ERBIN: variants seen among roughly 807,000 people sequenced by gnomAD.
The protein encoded by ERBIN is erbb2 interacting protein, also known as densin-180-like protein.
ERBIN carries 60 observed loss-of-function variants against 158.4 expected under a neutral mutation model. That is an observed-to-expected ratio of 0.38 (90% CI 0.31 to 0.47). The LOEUF (loss-of-function observed/expected upper bound fraction) is 0.47, where lower values mean the gene tolerates loss of function less well. Ranked by LOEUF, ERBIN falls within the 20% of genes least tolerant of loss-of-function variation. ERBIN has a pLI of 0.99. For synonymous variants in ERBIN, 594 were observed against 557.2 expected (o/e 1.07, Z -0.93); for missense variants, 1,610 against 1,648.0 (o/e 0.98, Z 0.40).
chr5:65,961,060 A>G (rs1747852435), intron 1 of ERBIN: 1 of 152,208 alleles, frequency 6.6e-6, no homozygotes, highest in African/African-American at 2.4e-5. Flanking sequence ...AAAAGGGAAA[A>G]ATTTTAAACA....
chr5:66,008,816 GT>G (rs2151095423), intron 4 of ERBIN, among the ~76,000 whole-genome samples: 2 of 152,280 alleles, frequency 1.3e-5, no homozygotes, highest in Admixed American at 1.3e-4. Context: ...AACATGGAAT[GT>G]TTTACTTCTT....
intron 1 of ERBIN, among the ~76,000 whole-genome samples, chr5:65,965,362 T>C (rs1748444854): frequency 1.3e-5 from 2 of 150,386 alleles, no homozygotes; most frequent in Non-Finnish European, 3.0e-5. Flanking sequence ...AGGCTGTTCT[T>C]ACCAGATTTG....
At chr5:66,002,537 TA>T (rs1753113350) in intron 4 of ERBIN, among the ~76,000 whole-genome samples, 1 of 152,202 alleles carries the variant, frequency 6.6e-6, no homozygotes, top group African/African-American at 2.4e-5. Context: ...TGCCAGGGAT[TA>T]CAAGGCAGAG....
At chr5:66,025,007 G>A (rs916039640) in intron 10 of ERBIN, among the ~76,000 whole-genome samples, 3 of 152,016 alleles carry the variant, frequency 2.0e-5, no homozygotes, top group Non-Finnish European at 2.9e-5. Flanking sequence ...AGTTTGTTAC[G>A]ATTCTACTCT....
chr5:65,942,470 C>T (rs919748831), intron 1 of ERBIN, among the ~76,000 whole-genome samples: 37 of 152,164 alleles, frequency 2.4e-4, no homozygotes, highest in Admixed American at 2.0e-4. Flanking sequence ...TTCTCTTTGG[C>T]GGACGCCAGT....
chr5:66,011,899 AT>A, intron 4 of ERBIN, 149 bp from the exon 5 acceptor site: 1 of 481,348 alleles, frequency 2.1e-6, no homozygotes, highest in East Asian at 3.0e-5. Flanking sequence ...TGTGCAGGTC[AT>A]TGTTTAGTTC....
chr5:66,031,460 G>A (rs1756867712), intron 14 of ERBIN, among the ~76,000 whole-genome samples: 2 of 152,240 alleles, frequency 1.3e-5, no homozygotes. Flanking sequence ...TAGGATCAAA[G>A]ATGGGGAAGA....
At chr5:65,985,951 C>T (rs1210934696) in intron 1 of ERBIN, among the ~76,000 whole-genome samples, 3 of 151,544 alleles carry the variant, frequency 2.0e-5, no homozygotes, top group South Asian at 4.2e-4. Flanking sequence ...TTCCGCCTGG[C>T]GTTTAGAATA....
intron 2 of ERBIN, among the ~76,000 whole-genome samples, chr5:65,990,516 A>G (rs1751753235): frequency 6.6e-6 from 1 of 151,816 alleles, no homozygotes; most frequent in Non-Finnish European, 1.5e-5. Context: ...AAAATACAAA[A>G]AAAATTAGCT....
intron 18 of ERBIN, 28 bp from the exon 19 acceptor site, chr5:66,048,639 T>A (rs1242227370): frequency 7.3e-7 from 1 of 1,375,672 alleles, no homozygotes. Context: ...AAATTTAATT[T>A]TTATCCCCCT....
chr5:66,055,046 C>G (rs1759454617), intron 21 of ERBIN, 95 bp downstream of exon 21: 1 of 1,435,574 alleles, frequency 7.0e-7, no homozygotes, highest in Non-Finnish European at 9.1e-7. Flanking sequence ...CTGATTATCT[C>G]TTTATATTCT....
chr5:66,026,488 A>G, intron 13 of ERBIN, 71 bp downstream of exon 13: 1 of 704,738 alleles, frequency 1.4e-6, no homozygotes, highest in East Asian at 3.0e-5. Context: ...TTCATATGAT[A>G]TATAATAGAA....
At chr5:66,067,983 C>A (rs996705611) in intron 21 of ERBIN, among the ~76,000 whole-genome samples, 3 of 151,908 alleles carry the variant, frequency 2.0e-5, no homozygotes, top group Non-Finnish European at 4.4e-5. Context: ...ATCATAAATT[C>A]GCGTATGTTA....
chr5:66,081,317 A>G lies in ERBIN; in HGVS notation c.*2787A>G, dbSNP rs1762374223. On this transcript the variant is annotated 3_prime_UTR_variant, in exon 26 of 26. Coordinates refer to ENST00000284037, the MANE Select transcript of ERBIN (RefSeq NM_001253697.2). ...AAATTCCCTACATATTTATTTTGTAAATATTCTTCTGACCTCTTTGGACTG... is the reference window on the plus strand; with the variant it reads ...AAATTCCCTACATATTTATTTTGTAGATATTCTTCTGACCTCTTTGGACTG... 6.6e-6 allele frequency: 1 copy of G among 152,020 alleles called. No homozygotes were observed. Among genetic ancestry groups the G allele is most frequent in the South Asian group, 2.1e-4 (1 of 4,830 alleles). 9.4% of individuals were successfully genotyped at this position (152,020 alleles called of 1,614,324 possible).
chr5:66,057,683 T>C (rs1286684316), intron 21 of ERBIN, among the ~76,000 whole-genome samples: 2 of 149,312 alleles, frequency 1.3e-5, no homozygotes, highest in Non-Finnish European at 3.0e-5. Context: ...GTATATCTCC[T>C]AATGCTATCC....
intron 8 of ERBIN, among the ~76,000 whole-genome samples, 186 bp downstream of exon 8, chr5:66,021,571 T>C (rs575984881): frequency 2.0e-4 from 30 of 152,204 alleles, no homozygotes; most frequent in Non-Finnish European, 4.1e-4. Context: ...GATGAACTTC[T>C]GACCACAAGT....
intron 7 of ERBIN, among the ~76,000 whole-genome samples, chr5:66,018,323 GTCC>G (rs1196361026): frequency 1.4e-5 from 2 of 142,886 alleles, no homozygotes; most frequent in Admixed American, 7.6e-5. Context: ...ATTTTTTTGT[GTCC>G]TCTTTAATTT....
chr5:65,966,438 T>TGG (rs1235840008), intron 1 of ERBIN, among the ~76,000 whole-genome samples: 2 of 152,070 alleles, frequency 1.3e-5, no homozygotes, highest in East Asian at 3.9e-4. Context: ...CCCAGCACTT[T>TGG]GGGAGGCCAA....
chr5:66,054,754 C>G lies in ERBIN; in HGVS notation c.3436C>G (p.Arg1146Gly). ...AAATGCATCAAGACCTCAGAGTGCT[C>G]GACCCTCTATTAATGAAATACCAGA... ...GPNASRPQSA[R>G]PSINEIPERT... The change falls in exon 21 of 26, where the codon CGA (arginine) becomes GGA (glycine). Residue 1146 changes from arginine (R) to glycine (G), a missense_variant. Around this residue, in one of 2 missense-constraint regions of ERBIN, gnomAD observed 1,014 missense variants for 936.1 expected, o/e 1.08. Coordinates refer to ENST00000284037, the MANE Select transcript of ERBIN (RefSeq NM_001253697.2). 6.2e-7 allele frequency: 1 copy of G among 1,614,012 alleles called. No homozygotes were observed. Among genetic ancestry groups the G allele is most frequent in the Non-Finnish European group, 8.5e-7 (1 of 1,179,988 alleles).
Sources: allele counts gnomAD v4.1 joint callset (sites outside exome capture counted in the v4.1 genomes callset), GRCh38; gene constraint gnomAD v4.1.1; regional missense constraint gnomAD v4.1.1; transcripts MANE v1.5; gene names NCBI Gene and HGNC (gene_info 2026-07-23, HGNC 2026-07-21).